TCF7L2: variants seen among roughly 807,000 people sequenced by gnomAD.
TCF7L2 encodes the protein transcription factor 7 like 2, also known as transcription factor 7-like 2.
In TCF7L2, 23 loss-of-function variants were observed where a neutral mutation model predicts 77.9. The ratio of observed to expected loss-of-function variants is 0.30; its 90% confidence interval spans 0.21 to 0.42. The LOEUF (loss-of-function observed/expected upper bound fraction) is 0.42. Ranked by LOEUF, TCF7L2 falls within the 10% of genes least tolerant of loss-of-function variation. The probability of loss-of-function intolerance (pLI) is 1.00; values close to 1 mark genes in which losing one functional copy is unlikely to be tolerated. For synonymous variants in TCF7L2, 413 were observed against 340.2 expected, an observed-to-expected ratio of 1.21 and a Z score of -2.36; for missense variants, 654 against 793.1, an observed-to-expected ratio of 0.82 and a Z score of 2.11.
rs538080748 is a variant in TCF7L2, at chr10:113,143,084, C to G, written c.686-839C>G. ...AATTCTGTGGTATTGTGCCTTTTGCCTCCCACTTCAATGGCATACATCAAT... is the reference window on the plus strand; with the variant it reads ...AATTCTGTGGTATTGTGCCTTTTGCGTCCCACTTCAATGGCATACATCAAT... On this transcript the variant is annotated intron_variant, in intron 6 of 13. Coordinates refer to ENST00000627217, the MANE Select transcript of TCF7L2 (RefSeq NM_001146274.2). 7.6e-4 allele frequency among the ~76,000 whole-genome samples: 116 copies of G among 152,342 alleles called. 2 individuals are homozygous for G. The highest frequency in any genetic ancestry group is 2.6e-3 in the African/African-American group (110 of 41,582).
chr10:112,961,622 G>C (rs1283250118), intron 3 of TCF7L2, among the ~76,000 whole-genome samples: 4 of 152,212 alleles, frequency 2.6e-5, no homozygotes, highest in African/African-American at 4.8e-5. Flanking sequence ...AAGAGAGAGA[G>C]GGTGGAAACC....
At chr10:113,038,953 C>T (rs1447137277) in intron 4 of TCF7L2, among the ~76,000 whole-genome samples, 2 of 152,150 alleles carry the variant, frequency 1.3e-5, no homozygotes, top group African/African-American at 4.8e-5. Flanking sequence ...CCGAAATGAC[C>T]AAGGTGTCTC....
intron 5 of TCF7L2, among the ~76,000 whole-genome samples, chr10:113,080,729 T>C (rs949190364): frequency 2.0e-5 from 3 of 152,262 alleles, no homozygotes; most frequent in Non-Finnish European, 2.9e-5. Flanking sequence ...TGGCTTGTTT[T>C]CATAAGCACC....
In TCF7L2 at chr10:112,981,624, G is replaced by A. The variant is rs1327909264; in HGVS notation, c.450+17000G>A. ...CCAAGTTTGCATAGCAGTGAAAGGA[G>A]CCCGACAATGACTTAAATGTGACGG... On this transcript the variant is annotated intron_variant, in intron 4 of 13. Coordinates refer to ENST00000627217, the MANE Select transcript of TCF7L2 (RefSeq NM_001146274.2). Among the ~76,000 whole-genome samples the A allele has an allele frequency of 2.6e-5, 4 of 152,158 alleles. No homozygotes were observed. The East Asian group carries it at 7.7e-4, about 29-fold the overall frequency.
chr10:113,125,967 A>G (rs1229531008), intron 5 of TCF7L2: 1 of 152,232 alleles, frequency 6.6e-6, no homozygotes, highest in Admixed American at 6.5e-5. Context: ...GATTTTGTTT[A>G]ATCTTTTTGA....
At chr10:112,964,745 G>GTGA in intron 4 of TCF7L2, 121 bp downstream of exon 4, 1 of 730,694 alleles carries the variant, frequency 1.4e-6, no homozygotes, top group Non-Finnish European at 2.1e-6. Flanking sequence ...GATGATGGTG[G>GTGA]TGGTGGTGGT....
At chr10:112,952,119 T>A (rs2031810929) in intron 3 of TCF7L2, among the ~76,000 whole-genome samples, 2 of 152,170 alleles carry the variant, frequency 1.3e-5, no homozygotes, top group Non-Finnish European at 1.5e-5. Context: ...CTGCGCCCGA[T>A]GCGCGGGGTA....
At chr10:113,031,965 C>G (rs2050299740) in intron 4 of TCF7L2, among the ~76,000 whole-genome samples, 1 of 152,190 alleles carries the variant, frequency 6.6e-6, no homozygotes, top group Admixed American at 6.5e-5. Flanking sequence ...AGTTTTAGAT[C>G]ATGTTCCTCA....
Position 112,950,434 on chromosome 10 carries a change from C to T in TCF7L2, c.-323C>T, listed in dbSNP as rs559377936. ...CCCCTTTGCTCTTTATATCTGACTT[C>T]TTGTTGTTGTTGGTGTTTTTTTTTT... On this transcript the variant is annotated 5_prime_UTR_variant, in exon 1 of 14. Transcript: ENST00000627217. 231 of 220,842 alleles carry T rather than the reference C, an allele frequency of 1.0e-3. No individual in the cohort carries two copies. The highest frequency in any genetic ancestry group is 5.2e-3 in the African/African-American group (207 of 39,704). 13.7% of individuals were successfully genotyped at this position (220,842 alleles called of 1,614,324 possible).
chr10:113,041,172 T>C (rs1363804778), intron 5 of TCF7L2, among the ~76,000 whole-genome samples: 2 of 152,254 alleles, frequency 1.3e-5, no homozygotes, highest in African/African-American at 4.8e-5. Context: ...CTCTGTCATA[T>C]GTGTGTGTTT....
chr10:112,959,817 T>C (rs1163539593), intron 3 of TCF7L2, among the ~76,000 whole-genome samples: 1 of 152,080 alleles, frequency 6.6e-6, no homozygotes, highest in African/African-American at 2.4e-5. Context: ...CTGTGGTTGC[T>C]CAAATGACTA....
chr10:112,964,483 C>T lies in TCF7L2; in HGVS notation c.382-73C>T. 5 of 1,439,424 alleles carry T rather than the reference C, an allele frequency of 3.5e-6. No individual in the cohort carries two copies. The South Asian group carries it at 5.8e-5, about 17-fold the overall frequency. 89.2% of individuals were successfully genotyped at this position (1,439,424 alleles called of 1,614,324 possible). ...AATCTAGGAAGGTTTGTCTGCTATT[C>T]ATAAACTGCTTAAGATGTTTTCTTG... On this transcript the variant is annotated intron_variant, in intron 3 of 13. Transcript: ENST00000627217.
At chr10:112,979,756 AAAAAAAAAT>A (rs144360168) in intron 4 of TCF7L2, among the ~76,000 whole-genome samples, 8,870 of 141,258 alleles carry the variant, frequency 0.063, 360 homozygotes, top group East Asian at 0.13. Context: ...ACCCTGTCTC[AAAAAAAAAT>A]AAAAAAAATA....
At chr10:113,155,000 T>A (rs1592392772) in intron 11 of TCF7L2, among the ~76,000 whole-genome samples, 1 of 133,486 alleles carries the variant, frequency 7.5e-6, no homozygotes, top group Non-Finnish European at 1.6e-5. Flanking sequence ...TTTTTTTTTT[T>A]AACTAACTTG....
intron 13 of TCF7L2, among the ~76,000 whole-genome samples, chr10:113,161,023 G>C (rs1173273734): frequency 6.6e-6 from 1 of 152,192 alleles, no homozygotes; most frequent in Non-Finnish European, 1.5e-5. Flanking sequence ...TTGGTGGCCC[G>C]GGTACTGAGC....
chr10:113,089,584 A>G (rs2060161774), intron 5 of TCF7L2: 1 of 1,602,192 alleles, frequency 6.2e-7, no homozygotes. Flanking sequence ...AGCTAGCTCT[A>G]AAATGAAGCC....
intron 5 of TCF7L2, among the ~76,000 whole-genome samples, chr10:113,119,291 G>A (rs964315608): frequency 6.6e-6 from 1 of 152,138 alleles, no homozygotes; most frequent in African/African-American, 2.4e-5. Context: ...TGGTGATTTA[G>A]TTTCACCGGC....
intron 5 of TCF7L2, among the ~76,000 whole-genome samples, chr10:113,119,068 C>T (rs1321349666): frequency 6.6e-6 from 1 of 152,126 alleles, no homozygotes; most frequent in Non-Finnish European, 1.5e-5. Context: ...AAGAAAATGT[C>T]ATGTGTGAAC....
rs547651691 is a variant in TCF7L2, at chr10:113,123,601, G to A, written c.553-17583G>A. Among the ~76,000 whole-genome samples the A allele has an allele frequency of 8.1e-4, 123 of 152,346 alleles. 1 individual carries two copies. Among genetic ancestry groups the A allele is most frequent in the African/African-American group, 3.0e-3 (123 of 41,574 alleles). ...AGGTAGGAAAACTGTGATTTTTGAA[G>A]GGAGCATTGAATGTGTGCTTTCATC... On this transcript the variant is annotated intron_variant, in intron 5 of 13. Transcript: ENST00000627217.
Sources: allele counts gnomAD v4.1 joint callset (sites outside exome capture counted in the v4.1 genomes callset), GRCh38; gene constraint gnomAD v4.1.1; transcripts MANE v1.5; gene names NCBI Gene and HGNC (gene_info 2026-07-23, HGNC 2026-07-21).